FOXP1: variants seen among roughly 807,000 people sequenced by gnomAD.
FOXP1 encodes the protein forkhead box P1.
A neutral mutation model predicts 98.2 loss-of-function variants in FOXP1; 15 were observed. The observed-to-expected ratio is 0.15, with a 90% confidence interval of 0.10 to 0.24. FOXP1 has a LOEUF of 0.24. Among genes scored for constraint, FOXP1 ranks in the 10% least tolerant of loss-of-function variants. FOXP1 has a pLI of 1.00. For synonymous variants in FOXP1, 371 were observed against 314.5 expected, an observed-to-expected ratio of 1.18 and a Z score of -1.90; for missense variants, 633 against 848.5, an observed-to-expected ratio of 0.75 and a Z score of 3.15.
At chr3:71,487,973 T>C (rs1409217264) in intron 3 of FOXP1, among the ~76,000 whole-genome samples, 1 of 151,996 alleles carries the variant, frequency 6.6e-6, no homozygotes, top group Non-Finnish European at 1.5e-5. Flanking sequence ...TTTAACAGAT[T>C]TTTTTTTAAT....
At chr3:71,026,817 T>C (rs2046181461) in intron 11 of FOXP1, among the ~76,000 whole-genome samples, 1 of 152,160 alleles carries the variant, frequency 6.6e-6, no homozygotes, top group African/African-American at 2.4e-5. Context: ...GAGCAGAGAA[T>C]CAGAGCTGTA....
At chr3:71,537,899 G>C (rs750715321) in intron 2 of FOXP1, among the ~76,000 whole-genome samples, 3 of 152,158 alleles carry the variant, frequency 2.0e-5, no homozygotes, top group Non-Finnish European at 4.4e-5. Flanking sequence ...ACATGAACAC[G>C]ATGTGAAATT....
chr3:70,964,415 C>G (rs1424357232), intron 20 of FOXP1, among the ~76,000 whole-genome samples: 1 of 152,134 alleles, frequency 6.6e-6, no homozygotes, highest in Non-Finnish European at 1.5e-5. Flanking sequence ...ATTCTTTATA[C>G]TAATAGGAAT....
intron 5 of FOXP1, among the ~76,000 whole-genome samples, chr3:71,206,208 G>T (rs983828848): frequency 6.6e-6 from 1 of 152,184 alleles, no homozygotes; most frequent in Non-Finnish European, 1.5e-5. Flanking sequence ...GATCAAATGA[G>T]ATCAAGGGCT....
chr3:71,377,576 A>T (rs1343658769), intron 3 of FOXP1, among the ~76,000 whole-genome samples: 1 of 152,174 alleles, frequency 6.6e-6, no homozygotes, highest in East Asian at 1.9e-4. Context: ...CGAGTTCCTA[A>T]GTAGCTAAAC....
intron 2 of FOXP1, among the ~76,000 whole-genome samples, chr3:71,541,131 A>T (rs2044773934): frequency 6.6e-6 from 1 of 152,192 alleles, no homozygotes; most frequent in South Asian, 2.1e-4. Flanking sequence ...GGCCATTGCC[A>T]AGTCTAGGAT....
At chr3:71,217,057 T>C (rs2116696) in intron 5 of FOXP1, among the ~76,000 whole-genome samples, 1,946 of 152,282 alleles carry the variant, frequency 0.013, 43 homozygotes, top group African/African-American at 0.045. Context: ...TTTATTTTTA[T>C]TTTATTTTAT....
At chr3:70,979,346 T>A (rs1413104091) in intron 14 of FOXP1, among the ~76,000 whole-genome samples, 1 of 142,462 alleles carries the variant, frequency 7.0e-6, no homozygotes, top group Non-Finnish European at 1.5e-5. Flanking sequence ...ATGAGCACTG[T>A]TTCAATTTAT....
intron 3 of FOXP1, among the ~76,000 whole-genome samples, chr3:71,379,570 G>A (rs531241343): frequency 1.3e-5 from 2 of 151,458 alleles, no homozygotes; most frequent in African/African-American, 2.4e-5. Context: ...TACAGCCCAC[G>A]AGCTAAGAAT....
intron 2 of FOXP1, among the ~76,000 whole-genome samples, chr3:71,510,639 T>C (rs1436724631): frequency 6.6e-6 from 1 of 152,200 alleles, no homozygotes; most frequent in Non-Finnish European, 1.5e-5. Flanking sequence ...CTCCTTGCTC[T>C]TCCCAGCCAC....
chr3:71,352,486 A>AAC (rs2077860791), intron 4 of FOXP1, among the ~76,000 whole-genome samples: 1 of 150,692 alleles, frequency 6.6e-6, no homozygotes, highest in Non-Finnish European at 1.5e-5. Context: ...AAAAAAAAAA[A>AAC]AAAAAAACAC....
Position 71,257,874 on chromosome 3 carries a change from C to G in FOXP1, c.-12+41946G>C, listed in dbSNP as rs116203481. Reference sequence around the variant, plus strand: ...AACAAGACACATCATCTTTCTGGACCTAAGTTTTCTCATCTGTAAAATGGG... The same window carrying G: ...AACAAGACACATCATCTTTCTGGACGTAAGTTTTCTCATCTGTAAAATGGG... On this transcript the variant is annotated intron_variant, in intron 5 of 20. Coordinates refer to ENST00000649528, the MANE Select transcript of FOXP1 (RefSeq NM_001349338.3). Among the ~76,000 whole-genome samples, 905 of 152,234 alleles carry G rather than the reference C, an allele frequency of 5.9e-3. 9 individuals carry two copies. Among genetic ancestry groups the G allele is most frequent in the African/African-American group, 0.021 (863 of 41,508 alleles).
chr3:71,185,865 G>A (rs2062614539), intron 6 of FOXP1, among the ~76,000 whole-genome samples: 1 of 152,148 alleles, frequency 6.6e-6, no homozygotes, highest in Non-Finnish European at 1.5e-5. Flanking sequence ...TGCACATACT[G>A]AGACTCTTTC....
chr3:71,062,719 T>C (rs1370868634), intron 7 of FOXP1, among the ~76,000 whole-genome samples: 1 of 152,182 alleles, frequency 6.6e-6, no homozygotes, highest in Non-Finnish European at 1.5e-5. Flanking sequence ...ACTAACCAAC[T>C]TTTCGTCAGA....
chr3:71,327,135 A>G (rs1055814946), intron 4 of FOXP1, among the ~76,000 whole-genome samples: 9 of 151,934 alleles, frequency 5.9e-5, no homozygotes, highest in Non-Finnish European at 1.2e-4. Flanking sequence ...CATACTGAAC[A>G]AAAGCAAGTA....
chr3:71,154,749 G>A (rs1276821627), intron 6 of FOXP1, among the ~76,000 whole-genome samples: 1 of 152,170 alleles, frequency 6.6e-6, no homozygotes, highest in Admixed American at 6.5e-5. Context: ...ATTGTTGTGA[G>A]GATAAAGTAA....
At chr3:71,024,675 T>A (rs984635205) in intron 11 of FOXP1, among the ~76,000 whole-genome samples, 56 of 152,204 alleles carry the variant, frequency 3.7e-4, no homozygotes, top group African/African-American at 1.3e-3. Context: ...GATACGATAT[T>A]CATGAGTAAA....
At chr3:70,973,224 T>C (rs1457869370) in intron 17 of FOXP1, among the ~76,000 whole-genome samples, 1 of 150,124 alleles carries the variant, frequency 6.7e-6, no homozygotes, top group African/African-American at 2.5e-5. Context: ...CGGGGGGTGG[T>C]GAACGGACCC....
At chr3:71,395,523 C>T (rs1009000271) in intron 3 of FOXP1, among the ~76,000 whole-genome samples, 13 of 151,732 alleles carry the variant, frequency 8.6e-5, no homozygotes, top group Non-Finnish European at 1.9e-4. Flanking sequence ...AGAAGCCTTA[C>T]CTGGGTACCT....
Sources: gnomAD v4.1 joint callset for allele counts (sites outside exome capture counted in the v4.1 genomes callset) on GRCh38, gnomAD v4.1.1 for gene constraint, MANE v1.5 for transcripts, NCBI Gene and HGNC (gene_info 2026-07-23, HGNC 2026-07-21) for gene names.